Variants in CSGALNACT1 observed in about 807,000 individuals in gnomAD.
CSGALNACT1 encodes chondroitin sulfate N-acetylgalactosaminyltransferase 1, also known as beta4GalNAcT-1.
A neutral mutation model predicts 51.0 loss-of-function variants in CSGALNACT1; 52 were observed. The ratio of observed to expected loss-of-function variants is 1.02; its 90% confidence interval spans 0.82 to 1.29. The LOEUF (loss-of-function observed/expected upper bound fraction) is 1.29. Ranked by LOEUF, CSGALNACT1 falls within the 50% of genes most tolerant of loss-of-function variation. The pLI, the probability that CSGALNACT1 is intolerant of heterozygous loss-of-function variation, is 0.00. For synonymous variants in CSGALNACT1, 341 were observed against 254.4 expected (o/e 1.34, Z -3.24); for missense variants, 935 against 679.2 (o/e 1.38, Z -4.19).
chr8:19,510,130 T>C (rs755165300), intron 3 of CSGALNACT1, among the ~76,000 whole-genome samples: 1 of 152,190 alleles, frequency 6.6e-6, no homozygotes, highest in Admixed American at 6.5e-5. Flanking sequence ...TCCTTACTAA[T>C]TGTTTTGCCT....
At chr8:19,487,615 C>A (rs1327933810) in intron 4 of CSGALNACT1, among the ~76,000 whole-genome samples, 1 of 152,156 alleles carries the variant, frequency 6.6e-6, no homozygotes, top group Non-Finnish European at 1.5e-5. Context: ...TGATAAACTC[C>A]AACAGCCGAA....
rs185833918 is a variant in CSGALNACT1 at position 19,615,250 on chromosome 8, C to A, written c.-543-13385G>T. Among the ~76,000 whole-genome samples, 10 of 152,278 alleles carry A rather than the reference C, an allele frequency of 6.6e-5. No homozygotes were observed. In the East Asian group the frequency reaches 1.5e-3, roughly 23 times the overall value. On this transcript the variant is annotated intron_variant, in intron 1 of 9. Coordinates refer to the CSGALNACT1 transcript ENST00000332246. The stretch of plus-strand genomic sequence containing the variant: ...CCCGGGAGGCAGAGGTTGCAGTGAG[C>A]CCGGATTGTGCCACTGTACTCCAGC...
intron 1 of CSGALNACT1, among the ~76,000 whole-genome samples, chr8:19,701,445 C>CTAGGATT: frequency 6.6e-6 from 1 of 152,168 alleles, no homozygotes; most frequent in South Asian, 2.1e-4. Context: ...TGAGCCACTG[C>CTAGGATT]ACCAAGCCTA....
chr8:19,695,012 C>A lies in CSGALNACT1; in HGVS notation c.-297+62838G>T, dbSNP rs563875457. Among the ~76,000 whole-genome samples the A allele has an allele frequency of 4.6e-5, 7 of 152,214 alleles. 1 individual carries two copies. The highest frequency in any genetic ancestry group is 1.7e-4 in the African/African-American group (7 of 41,516). ...CTGAGGGGTCATGAGGCAGCACAGGCCCCCCATCTACAGCTCACTCCTCCT... is the reference window on the plus strand; with the variant it reads ...CTGAGGGGTCATGAGGCAGCACAGGACCCCCATCTACAGCTCACTCCTCCT... On this transcript the variant is annotated intron_variant, in intron 1 of 1. Transcript: ENST00000517494.
chr8:19,657,002 G>A (rs915281207), intron 1 of CSGALNACT1, among the ~76,000 whole-genome samples: 6 of 150,612 alleles, frequency 4.0e-5, no homozygotes, highest in Non-Finnish European at 7.4e-5. Context: ...GGCAGAGGTT[G>A]CAGTGAGCCG....
chr8:19,569,549 G>A (rs2042571230), intron 3 of CSGALNACT1, among the ~76,000 whole-genome samples: 1 of 152,136 alleles, frequency 6.6e-6, no homozygotes, highest in Non-Finnish European at 1.5e-5. Flanking sequence ...ATTAGAGCTA[G>A]CACTTTTTTT....
chr8:19,596,053 G>C (rs892157889), intron 2 of CSGALNACT1, among the ~76,000 whole-genome samples: 11 of 151,920 alleles, frequency 7.2e-5, no homozygotes, highest in African/African-American at 2.4e-4. Flanking sequence ...TTTTTATAGA[G>C]ACAGGGGTCT....
exon 4 of CSGALNACT1, chr8:19,505,930 T>C: frequency 1.3e-6 from 2 of 1,511,682 alleles, no homozygotes; most frequent in Non-Finnish European, 1.8e-6. Flanking sequence ...GAAGCATGCG[T>C]TTGGGGCCCC....
At chr8:19,696,099 G>A (rs1185994475) in intron 1 of CSGALNACT1, among the ~76,000 whole-genome samples, 3 of 152,164 alleles carry the variant, frequency 2.0e-5, no homozygotes, top group East Asian at 3.9e-4. Flanking sequence ...AAACAAATTG[G>A]ATAGGCAGGA....
Position 19,656,179 on chromosome 8 carries a change from G to A in CSGALNACT1, c.-544+26294C>T, listed in dbSNP as rs1294990560. Among the ~76,000 whole-genome samples the A allele has an allele frequency of 4.6e-5, 7 of 152,160 alleles. No individual in the cohort carries two copies. The East Asian group carries it at 7.7e-4, about 17-fold the overall frequency. ...CAACAAAGTGTCTGAAGATAGGATT[G>A]CCTTTTGCTAATCTGCACAATGTTA... On this transcript the variant is annotated intron_variant, in intron 1 of 9. Transcript: ENST00000332246.
At chr8:19,706,045 C>A (rs1042694088) in intron 1 of CSGALNACT1, among the ~76,000 whole-genome samples, 1 of 152,106 alleles carries the variant, frequency 6.6e-6, no homozygotes, top group Non-Finnish European at 1.5e-5. Context: ...TAAACCCAGA[C>A]ATGGAAAAAT....
chr8:19,437,917 C>G (rs533267373), intron 6 of CSGALNACT1, among the ~76,000 whole-genome samples: 5 of 152,298 alleles, frequency 3.3e-5, no homozygotes, highest in Admixed American at 3.3e-4. Flanking sequence ...AAGCTACCTT[C>G]TGGTTGAGAA....
intron 4 of CSGALNACT1, among the ~76,000 whole-genome samples, chr8:19,489,129 C>A (rs2073797010): frequency 6.6e-6 from 1 of 152,074 alleles, no homozygotes. Flanking sequence ...AGTCCCTAGT[C>A]AGACACAGGG....
chr8:19,649,819 C>CAAAGAAAAAAAAAAAA (rs2057622389), intron 1 of CSGALNACT1, among the ~76,000 whole-genome samples: 1 of 29,398 alleles, frequency 3.4e-5, no homozygotes. Flanking sequence ...TTCCAAGTAG[C>CAAAGAAAAAAAAAAAA]AAAAAAAAAA....
intron 3 of CSGALNACT1, among the ~76,000 whole-genome samples, chr8:19,532,948 T>A (rs2083063858): frequency 6.6e-6 from 1 of 152,194 alleles, no homozygotes; most frequent in Non-Finnish European, 1.5e-5. Flanking sequence ...AACACTGTCA[T>A]CTTTGTCTAA....
chr8:19,559,122 C>T (rs2040138518), intron 3 of CSGALNACT1, among the ~76,000 whole-genome samples: 1 of 152,094 alleles, frequency 6.6e-6, no homozygotes, highest in South Asian at 2.1e-4. Context: ...ATTTTAACAA[C>T]AAAGATGGTA....
chr8:19,470,382 G>A (rs1408781114), intron 4 of CSGALNACT1, among the ~76,000 whole-genome samples: 1 of 152,184 alleles, frequency 6.6e-6, no homozygotes, highest in Non-Finnish European at 1.5e-5. Context: ...GTAAGGATGT[G>A]GGAAACAACG....
At chr8:19,449,011 G>A (rs7830251) in intron 5 of CSGALNACT1, among the ~76,000 whole-genome samples, 92,901 of 151,904 alleles carry the variant, frequency 0.61, 29,982 homozygotes, top group East Asian at 0.86. Context: ...CCCCTGTGTC[G>A]AGATAAATTT....
intron 3 of CSGALNACT1, among the ~76,000 whole-genome samples, chr8:19,512,972 C>G (rs1321982064): frequency 6.6e-6 from 1 of 152,202 alleles, no homozygotes; most frequent in Non-Finnish European, 1.5e-5. Flanking sequence ...AGCTCTGCTT[C>G]CCTTCCAGTC....
Sources: gnomAD v4.1 joint callset for allele counts (sites outside exome capture counted in the v4.1 genomes callset) on GRCh38, gnomAD v4.1.1 for gene constraint, MANE v1.5 for transcripts, NCBI Gene and HGNC (gene_info 2026-07-23, HGNC 2026-07-21) for gene names.